TM4SF4: variants seen among roughly 807,000 people sequenced by gnomAD.
TM4SF4 encodes the protein transmembrane 4 L6 family member 4.
TM4SF4 carries 24 observed loss-of-function variants against 24.1 expected under a neutral mutation model. That is an observed-to-expected ratio of 1.00 (90% CI 0.72 to 1.40). The LOEUF is 1.40. Ranked by LOEUF, TM4SF4 falls within the 40% of genes most tolerant of loss-of-function variation. The pLI is 0.00. For missense variants in TM4SF4, 254 were observed against 254.2 expected (o/e 1.00, Z 0.01); for synonymous variants, 113 against 97.0 (o/e 1.17, Z -0.97).
intron 2 of TM4SF4, among the ~76,000 whole-genome samples, chr3:149,481,581 A>G (rs2107867827): frequency 6.6e-6 from 1 of 152,314 alleles, no homozygotes; most frequent in East Asian, 1.9e-4. Context: ...GGTAATCTCT[A>G]TTCCTCCTTA....
chr3:149,478,826 C>T (rs1733979580), intron 2 of TM4SF4, among the ~76,000 whole-genome samples: 1 of 152,168 alleles, frequency 6.6e-6, no homozygotes, highest in Non-Finnish European at 1.5e-5. Context: ...TGAGATGATG[C>T]AATCTCAGCT....
chr3:149,482,299 A>T (rs557322057), intron 2 of TM4SF4, among the ~76,000 whole-genome samples: 2 of 152,324 alleles, frequency 1.3e-5, no homozygotes, highest in African/African-American at 4.8e-5. Context: ...TGACAACAAC[A>T]CAGTAGTGTC....
Position 149,486,748 on chromosome 3 carries a change from G to A in TM4SF4, c.265-871G>A, listed in dbSNP as rs187269431. On this transcript the variant is annotated intron_variant, in intron 2 of 4. Transcript: ENST00000305354. ...AGAGAAAATGCTCCGAGGGTGGAAG[G>A]GGTGAGAGATGTCAAGGCAATCTTC... is the stretch of plus-strand genomic sequence containing the variant. 2.0e-3 allele frequency among the ~76,000 whole-genome samples: 298 copies of A among 152,260 alleles called. 1 individual carries two copies. The highest frequency in any genetic ancestry group is 3.7e-3 in the Non-Finnish European group (250 of 68,018).
intron 3 of TM4SF4, among the ~76,000 whole-genome samples, chr3:149,488,284 G>A (rs1371854288): frequency 6.6e-6 from 1 of 152,160 alleles, no homozygotes; most frequent in Non-Finnish European, 1.5e-5. Flanking sequence ...AACATTTCAT[G>A]TTTTCATGGT....
At chr3:149,496,665 A>C (rs1211069553) in intron 3 of TM4SF4, among the ~76,000 whole-genome samples, 5 of 151,804 alleles carry the variant, frequency 3.3e-5, no homozygotes, top group South Asian at 4.2e-4. Flanking sequence ...CTACTCGGGA[A>C]ACTGAAGCAG....
At chr3:149,494,303 C>A (rs1734271814) in intron 3 of TM4SF4, among the ~76,000 whole-genome samples, 1 of 152,166 alleles carries the variant, frequency 6.6e-6, no homozygotes, top group African/African-American at 2.4e-5. Context: ...CATGATTTCT[C>A]CAGGCAACCA....
chr3:149,491,459 C>G (rs1734208735), intron 3 of TM4SF4, among the ~76,000 whole-genome samples: 1 of 150,376 alleles, frequency 6.6e-6, no homozygotes, highest in African/African-American at 2.4e-5. Flanking sequence ...GAGCCAGACC[C>G]TGTCTCAAAC....
At chr3:149,486,557 G>C (rs1734120104) in intron 2 of TM4SF4, among the ~76,000 whole-genome samples, 1 of 152,186 alleles carries the variant, frequency 6.6e-6, no homozygotes, top group Non-Finnish European at 1.5e-5. Flanking sequence ...GTAAGAGGGA[G>C]TTAACCTAGC....
chr3:149,489,086 T>C (rs896664146), intron 3 of TM4SF4, among the ~76,000 whole-genome samples: 1 of 152,194 alleles, frequency 6.6e-6, no homozygotes, highest in Non-Finnish European at 1.5e-5. Flanking sequence ...AACATCCTCA[T>C]ACCTTGTGCA....
chr3:149,496,171 G>A (rs1734307123), intron 3 of TM4SF4, among the ~76,000 whole-genome samples: 1 of 149,230 alleles, frequency 6.7e-6, no homozygotes, highest in South Asian at 2.3e-4. Context: ...TTGACCATTT[G>A]GGATTTTTTT....
Position 149,474,820 on chromosome 3 carries a change from C to A in TM4SF4, c.-58C>A. 1 of 1,528,856 alleles carries A rather than the reference C, an allele frequency of 6.5e-7. No homozygotes were observed. The highest frequency in any genetic ancestry group is 1.3e-5 in the South Asian group (1 of 77,302). The allele number at this position is 1,528,856 out of a possible 1,614,324, so 94.7% of individuals were successfully genotyped here. ...TCTGGCCAAAAACCCTTGAAGAGGC[C>A]CCGTGAAGGAGGCAGTGAGGAGCTT... is the stretch of plus-strand genomic sequence containing the variant. On this transcript the variant is annotated 5_prime_UTR_variant, in exon 1 of 5. Coordinates refer to ENST00000305354, the MANE Select transcript of TM4SF4 (RefSeq NM_004617.4).
At chr3:149,475,717 G>A in intron 1 of TM4SF4, 106 bp from the exon 2 acceptor site, 2 of 896,106 alleles carry the variant, frequency 2.2e-6, no homozygotes, top group Non-Finnish European at 3.6e-6. Flanking sequence ...ATTCCCTTTG[G>A]GCCTCCAAAT....
At position 149,502,780 on chromosome 3, in the gene TM4SF4, T is replaced by C; in HGVS notation, c.*87T>C. Reference sequence around the variant, plus strand: ...TTCTTCTCTTCTTGGAATTATTAATTCCTATCTGCTTCCTAGCTGATAAAG... The same window carrying C: ...TTCTTCTCTTCTTGGAATTATTAATCCCTATCTGCTTCCTAGCTGATAAAG... On this transcript the variant is annotated 3_prime_UTR_variant, in exon 5 of 5. Coordinates refer to ENST00000305354, the MANE Select transcript of TM4SF4 (RefSeq NM_004617.4). 1.0e-6 allele frequency: 1 copy of C among 970,508 alleles called. No individual in the cohort carries two copies. The highest frequency in any genetic ancestry group is 1.6e-6 in the Non-Finnish European group (1 of 608,508). 60.1% of individuals were successfully genotyped at this position (970,508 alleles called of 1,614,324 possible). A position where few individuals can be genotyped will look rare whatever the true frequency, so the allele number is the denominator to read the frequency against.
chr3:149,488,775 G>C (rs1017722487), intron 3 of TM4SF4, among the ~76,000 whole-genome samples: 1 of 151,988 alleles, frequency 6.6e-6, no homozygotes, highest in South Asian at 2.1e-4. Flanking sequence ...TTTGTTCACC[G>C]TCTCAGCCCC....
chr3:149,484,482 C>T (rs903207359), intron 2 of TM4SF4, among the ~76,000 whole-genome samples: 1 of 152,022 alleles, frequency 6.6e-6, no homozygotes, highest in Non-Finnish European at 1.5e-5. Flanking sequence ...CTCTCGGGCT[C>T]AAGCGATTCT....
intron 2 of TM4SF4, among the ~76,000 whole-genome samples, chr3:149,485,803 C>CAAAAAT (rs1206828446): frequency 6.6e-6 from 1 of 151,838 alleles, no homozygotes; most frequent in Non-Finnish European, 1.5e-5. Flanking sequence ...AAAACAAAAA[C>CAAAAAT]AAAAACAAAA....
intron 3 of TM4SF4, among the ~76,000 whole-genome samples, chr3:149,491,514 C>T (rs896433046): frequency 6.0e-5 from 9 of 150,390 alleles, no homozygotes; most frequent in South Asian, 2.1e-4. Flanking sequence ...TATATATATA[C>T]ACACACACAC....
In TM4SF4 at chr3:149,502,725, C is replaced by G. The variant is rs1201121386; in HGVS notation, c.*32C>G. Reference sequence around the variant, plus strand: ...GAGATGAGCTGCTCAGACTCTACAGCATGACGACTACAATTTCTTTTCATA... The same window carrying G: ...GAGATGAGCTGCTCAGACTCTACAGGATGACGACTACAATTTCTTTTCATA... On this transcript the variant is annotated 3_prime_UTR_variant, in exon 5 of 5. Transcript: ENST00000305354. 6.5e-7 allele frequency: 1 copy of G among 1,532,212 alleles called. No homozygotes were observed. The highest frequency in any genetic ancestry group is 1.7e-5 in the Admixed American group (1 of 59,208). The allele number at this position is 1,532,212 out of a possible 1,614,324, so 94.9% of individuals were successfully genotyped here. A position where few individuals can be genotyped will look rare whatever the true frequency, so the allele number is the denominator to read the frequency against.
intron 2 of TM4SF4, among the ~76,000 whole-genome samples, chr3:149,485,616 T>C (rs575411457): frequency 1.1e-4 from 16 of 152,186 alleles, no homozygotes; most frequent in African/African-American, 3.6e-4. Context: ...GTGCTCTATT[T>C]GGAGAAGACA....
Sources: gnomAD v4.1 joint callset for allele counts (sites outside exome capture counted in the v4.1 genomes callset) on GRCh38, gnomAD v4.1.1 for gene constraint, MANE v1.5 for transcripts, NCBI Gene and HGNC (gene_info 2026-07-23, HGNC 2026-07-21) for gene names.